CTSB: variants seen among roughly 807,000 people sequenced by gnomAD.
The protein encoded by CTSB is cathepsin B.
Under a neutral mutation model 44.3 loss-of-function variants are expected in CTSB, and 57 were observed. The observed-to-expected ratio is 1.29, with a 90% CI of 1.04 to 1.60. CTSB has a LOEUF of 1.60. CTSB is among the 40% of genes most tolerant of loss of function. CTSB has a pLI of 0.00. For synonymous variants in CTSB, 320 were observed against 168.0 expected (o/e 1.91, Z -7.00); for missense variants, 768 against 443.0 (o/e 1.73, Z -6.59).
At position 11,850,425 on chromosome 8, in the gene CTSB, AAAAAAAAAAAAAAAAAG is replaced by A. The variant is rs1175238714; in HGVS notation, c.327+424_327+440del. ...CAGAGCAAGACTCCATCTCCAAAAA[AAAAAAAAAAAAAAAAAG>A]AAAGAAAAAGAAAACAAAAGAAGAT... is the stretch of plus-strand genomic sequence containing the variant. On this transcript the variant is annotated intron_variant, in intron 4 of 9. Transcript: ENST00000353047. Among the ~76,000 whole-genome samples, 130 of 115,240 alleles carry A rather than the reference AAAAAAAAAAAAAAAAAG, an allele frequency of 1.1e-3. 1 individual carries two copies. The highest frequency in any genetic ancestry group is 2.0e-3 in the Non-Finnish European group (106 of 53,220). The allele number at this position is 115,240 out of a possible 152,430, so 75.6% of individuals were successfully genotyped here.
intron 2 of CTSB, 127 bp downstream of exon 2, chr8:11,853,202 G>T: frequency 7.5e-7 from 1 of 1,328,706 alleles, no homozygotes; most frequent in Non-Finnish European, 1.0e-6. Flanking sequence ...CAGGGTCAGG[G>T]CCATTTTTCA....
chr8:11,850,624 C>T, intron 4 of CTSB: 1 of 351,538 alleles, frequency 2.8e-6, no homozygotes, highest in South Asian at 5.9e-5. Flanking sequence ...GGAAAGGGAG[C>T]TGCTTCGCCA....
intron 5 of CTSB, 131 bp downstream of exon 5, chr8:11,848,915 C>T (rs553372733): frequency 7.8e-6 from 5 of 640,134 alleles, no homozygotes; most frequent in African/African-American, 3.6e-5. Context: ...GCCTGCCAGA[C>T]TCTCGGAGTC....
chr8:11,845,825 G>A lies in CTSB; in HGVS notation c.794-36C>T, dbSNP rs567932490. 7.6e-6 allele frequency: 12 copies of A among 1,585,414 alleles called. No homozygotes were observed. In the South Asian group the frequency reaches 1.1e-4, roughly 15 times the overall value. ...AAGAACTGGCTGAGACCGAGACCGG[G>A]CCACTGTCCCACGCCCCACAGCACC... On this transcript the variant is annotated intron_variant, in intron 8 of 9. Transcript: ENST00000353047.
rs1813514257 is a variant in CTSB at position 11,847,081 on chromosome 8, A to C, written c.764T>G (p.Val255Gly). The change falls in exon 8 of 10, where the codon GTG becomes GGG. Residue 255 changes from valine to glycine, a missense_variant. Physicochemically the swap from Val to Gly is moderately radical, Grantham distance 109. Coordinates refer to ENST00000353047, the MANE Select transcript of CTSB (RefSeq NM_001908.5). ...KNGPVEGAFS[V>G]YSDFLLYKSG... Reference sequence around the variant, plus strand: ...CTTGTAGAGCAGGAAGTCCGAATACACAGAGAAAGCTCCCTCCACGGGGCC... The same window carrying C: ...CTTGTAGAGCAGGAAGTCCGAATACCCAGAGAAAGCTCCCTCCACGGGGCC... The C allele has an allele frequency of 6.2e-7, 1 of 1,611,898 alleles. No individual in the cohort carries two copies. The highest frequency in any genetic ancestry group is 1.3e-5 in the African/African-American group (1 of 74,840).
rs1401079545 is a variant in CTSB, at chr8:11,853,313, C to G, written c.126+16G>C. 1.9e-6 allele frequency: 3 copies of G among 1,612,552 alleles called. No individual in the cohort carries two copies. Among genetic ancestry groups the G allele is most frequent in the Non-Finnish European group, 2.5e-6 (3 of 1,179,420 alleles). On this transcript the variant is annotated intron_variant, in intron 2 of 9. Transcript: ENST00000353047. Reference sequence around the variant, plus strand: ...CCTGGGAGGGGACATACATAGGACGCAGCCCCACAGCCTACCTGCCACGTG... The same window carrying G: ...CCTGGGAGGGGACATACATAGGACGGAGCCCCACAGCCTACCTGCCACGTG...
intron 1 of CTSB, among the ~76,000 whole-genome samples, chr8:11,855,213 G>T (rs558784574): frequency 8.5e-5 from 13 of 152,102 alleles, no homozygotes; most frequent in Admixed American, 3.9e-4. Context: ...GTAAAGACAG[G>T]GTTTCACCAT....
chr8:11,853,415 A>T lies in CTSB; in HGVS notation c.40T>A (p.Leu14Met). 6.2e-7 allele frequency: 1 copy of T among 1,612,542 alleles called. No individual in the cohort carries two copies. The highest frequency in any genetic ancestry group is 8.5e-7 in the Non-Finnish European group (1 of 1,179,766). Residue 14 changes from leucine to methionine, a missense_variant, in exon 2 of 10, where the codon TTG (leucine) becomes ATG (methionine). By Grantham distance (15) the Leu-to-Met change is conservative. Coordinates refer to ENST00000353047, the MANE Select transcript of CTSB (RefSeq NM_001908.5). ...LWASLCCLLVLANARSRPSFH... is the reference protein window; with the variant it reads ...LWASLCCLLVMANARSRPSFH... ...GAGGGCCTGCTCCGGGCATTGGCCA[A>T]CACCAGCAGGCAGCAGAGGGAGGCC... is the stretch of plus-strand genomic sequence containing the variant.
chr8:11,855,343 T>G (rs1005541352), intron 1 of CTSB, among the ~76,000 whole-genome samples: 2 of 152,144 alleles, frequency 1.3e-5, no homozygotes, highest in African/African-American at 4.8e-5. Context: ...TTAAAAAGTT[T>G]TATGAAAAAA....
chr8:11,844,366 G>C lies in CTSB; in HGVS notation c.*759C>G, dbSNP rs968986385. ...TGGCACAGGCATTCCTTGTTAACTTGACAGGGTGAAGCTGTAATTTTTCAA... is the reference window on the plus strand; with the variant it reads ...TGGCACAGGCATTCCTTGTTAACTTCACAGGGTGAAGCTGTAATTTTTCAA... On this transcript the variant is annotated 3_prime_UTR_variant, in exon 10 of 10. Coordinates refer to ENST00000353047, the MANE Select transcript of CTSB (RefSeq NM_001908.5). The C allele has an allele frequency of 2.0e-5, 3 of 147,830 alleles. No individual in the cohort carries two copies. Among genetic ancestry groups the C allele is most frequent in the Non-Finnish European group, 4.5e-5 (3 of 66,300 alleles). 9.2% of individuals were successfully genotyped at this position (147,830 alleles called of 1,614,324 possible).
chr8:11,854,056 G>T (rs143938562), intron 1 of CTSB, among the ~76,000 whole-genome samples: 158 of 152,326 alleles, frequency 1.0e-3, no homozygotes, highest in Non-Finnish European at 1.6e-3. Flanking sequence ...CGGCTGCGGA[G>T]ATGAGGCTTC....
intron 1 of CTSB, among the ~76,000 whole-genome samples, chr8:11,864,813 C>G (rs1450489229): frequency 2.0e-5 from 3 of 151,846 alleles, no homozygotes; most frequent in Non-Finnish European, 4.4e-5. Context: ...ACTCCGGAGG[C>G]TGAGGCAGGA....
In CTSB at chr8:11,848,071, A is replaced by G. The variant is rs140162809; in HGVS notation, c.528T>C (p.His176=). Residue 176 remains histidine (H), a synonymous_variant, in exon 6 of 10, where the codon CAT becomes CAC. Coordinates refer to ENST00000353047, the MANE Select transcript of CTSB (RefSeq NM_001908.5). ...GLVSGGLYES[H]VGCRPYSIPP... is the part of the protein sequence containing the mutation. ...TGGCCAAGGGGACACACTTACCTAC[A>G]TGGGATTCATAGAGGCCACCAGAAA... The G allele has an allele frequency of 1.6e-5, 25 of 1,611,944 alleles. No individual in the cohort carries two copies. Among genetic ancestry groups the G allele is most frequent in the Non-Finnish European group, 2.0e-5 (23 of 1,178,578 alleles).
In CTSB at chr8:11,844,168, C is replaced by G. The variant is rs770003773; in HGVS notation, c.*957G>C. ...GGGGGAGGGATGCCATGGTTGAAAACATGGCTGGGGCAGCGAGAAGTTAAG... is the reference window on the plus strand; with the variant it reads ...GGGGGAGGGATGCCATGGTTGAAAAGATGGCTGGGGCAGCGAGAAGTTAAG... On this transcript the variant is annotated 3_prime_UTR_variant, in exon 10 of 10. Transcript: ENST00000353047. 6.6e-6 allele frequency: 1 copy of G among 152,256 alleles called. No individual in the cohort carries two copies. Among genetic ancestry groups the G allele is most frequent in the African/African-American group, 2.4e-5 (1 of 41,456 alleles). The allele number at this position is 152,256 out of a possible 1,614,324, so 9.4% of individuals were successfully genotyped here.
At chr8:11,849,196 C>G (rs1321186406) in intron 4 of CTSB, 32 bp from the exon 5 acceptor site, 7 of 1,581,862 alleles carry the variant, frequency 4.4e-6, no homozygotes, top group Middle Eastern at 2.1e-4. Context: ...GGTGAGGCTG[C>G]CATGTCCGGG....
At position 11,844,747 on chromosome 8, in the gene CTSB, C is replaced by G. The variant is rs946866774; in HGVS notation, c.*378G>C. ...GTGGAAAGCTACTTGCTTGGAGGTA[C>G]TGGGGGAACTGATGGGGGAACTTTC... On this transcript the variant is annotated 3_prime_UTR_variant, in exon 10 of 10. Transcript: ENST00000353047. The G allele has an allele frequency of 3.2e-5, 6 of 188,276 alleles. No homozygotes were observed. Among genetic ancestry groups the G allele is most frequent in the Admixed American group, 2.2e-4 (4 of 18,086 alleles). The allele number at this position is 188,276 out of a possible 1,614,324, so 11.7% of individuals were successfully genotyped here.
chr8:11,846,363 G>A (rs1012756185), intron 8 of CTSB: 1 of 152,354 alleles, frequency 6.6e-6, no homozygotes, highest in African/African-American at 2.4e-5. Flanking sequence ...GCTAAGAAGT[G>A]CCATCTTCAC....
rs1330311904 is a variant in CTSB, at chr8:11,853,399, C to A, written c.56G>T (p.Ser19Ile). The A allele has an allele frequency of 3.1e-6, 5 of 1,612,810 alleles. No individual in the cohort carries two copies. Among genetic ancestry groups the A allele is most frequent in the Non-Finnish European group, 1.7e-6 (2 of 1,179,838 alleles). ...CCLLVLANARSRPSFHPLSDE... is the reference protein window; with the variant it reads ...CCLLVLANARIRPSFHPLSDE... ...CGACAGGGGATGGAAAGAGGGCCTGCTCCGGGCATTGGCCAACACCAGCAG... is the reference window on the plus strand; with the variant it reads ...CGACAGGGGATGGAAAGAGGGCCTGATCCGGGCATTGGCCAACACCAGCAG... The change falls in exon 2 of 10, where the codon AGC (serine) becomes ATC (isoleucine). Residue 19 changes from serine to isoleucine, a missense_variant. Physicochemically the swap from Ser to Ile is moderately radical, Grantham distance 142. Coordinates refer to ENST00000353047, the MANE Select transcript of CTSB (RefSeq NM_001908.5).
chr8:11,847,469 G>C (rs1813617087), intron 7 of CTSB, among the ~76,000 whole-genome samples: 1 of 152,196 alleles, frequency 6.6e-6, no homozygotes, highest in East Asian at 1.9e-4. Context: ...CTTCCAGTTT[G>C]GAAGGGCTGA....
Sources: gnomAD v4.1 joint callset for allele counts (sites outside exome capture counted in the v4.1 genomes callset) on GRCh38, gnomAD v4.1.1 for gene constraint, MANE v1.5 for transcripts, NCBI Gene and HGNC (gene_info 2026-07-23, HGNC 2026-07-21) for gene names.